Variants in PAFAH1B2 observed in about 807,000 individuals in gnomAD.
PAFAH1B2 encodes the protein platelet activating factor acetylhydrolase 1b catalytic subunit 2.
Under a neutral mutation model 28.0 loss-of-function variants are expected in PAFAH1B2, and 8 were observed. The ratio of observed to expected loss-of-function variants is 0.29; its 90% CI spans 0.17 to 0.52. The LOEUF (loss-of-function observed/expected upper bound fraction) is 0.52, where lower values mean the gene tolerates loss of function less well. PAFAH1B2 is among the 20% of genes least tolerant of loss of function. The pLI is 0.97. For missense variants in PAFAH1B2, 190 were observed against 282.6 expected, an observed-to-expected ratio of 0.67 and a Z score of 2.35; for synonymous variants, 104 against 103.2, an observed-to-expected ratio of 1.01 and a Z score of -0.05.
intron 5 of PAFAH1B2, among the ~76,000 whole-genome samples, chr11:117,164,535 A>G (rs950966479): frequency 4.6e-5 from 7 of 152,192 alleles, no homozygotes; most frequent in Non-Finnish European, 2.9e-5. Flanking sequence ...TATTTGGATT[A>G]CTTTGTAAGT....
At chr11:117,162,235 A>C (rs1956390660) in intron 4 of PAFAH1B2, among the ~76,000 whole-genome samples, 1 of 152,028 alleles carries the variant, frequency 6.6e-6, no homozygotes, top group Non-Finnish European at 1.5e-5. Context: ...TTGGACTCGG[A>C]TGATCCTATG....
intron 1 of PAFAH1B2, among the ~76,000 whole-genome samples, chr11:117,150,454 A>C (rs1956124120): frequency 6.7e-6 from 1 of 149,908 alleles, no homozygotes; most frequent in Non-Finnish European, 1.5e-5. Flanking sequence ...CCAGCCGATG[A>C]TGTTGTTTTT....
intron 1 of PAFAH1B2, among the ~76,000 whole-genome samples, chr11:117,144,798 C>A (rs542501602): frequency 6.6e-6 from 1 of 151,966 alleles, no homozygotes; most frequent in Non-Finnish European, 1.5e-5. Context: ...GCCTTGCGCA[C>A]CCCAGCTCGC....
chr11:117,171,284 T>G (rs1956644233), downstream of PAFAH1B2, among the ~76,000 whole-genome samples: 1 of 152,206 alleles, frequency 6.6e-6, no homozygotes, highest in Non-Finnish European at 1.5e-5. Context: ...TGAAGTCTAC[T>G]CTTTTCCATT....
Position 117,168,446 on chromosome 11 carries a change from G to GTTTGTGTTTTT in PAFAH1B2, c.*750_*751insGTGTTTTTTTT. ...TCCCCTTCATTCCCCCCGCCACCCC[G>GTTTGTGTTTTT]TTTTTTTTTTTTTTTTTTTTTTTTT... On this transcript the variant is annotated 3_prime_UTR_variant, in exon 6 of 6. Coordinates refer to ENST00000527958, the MANE Select transcript of PAFAH1B2 (RefSeq NM_002572.4). 3 of 234,820 alleles carry GTTTGTGTTTTT rather than the reference G, an allele frequency of 1.3e-5. No individual in the cohort carries two copies. Among genetic ancestry groups the GTTTGTGTTTTT allele is most frequent in the Non-Finnish European group, 1.5e-5 (3 of 200,708 alleles). 14.5% of individuals were successfully genotyped at this position (234,820 alleles called of 1,614,324 possible).
chr11:117,166,842 T>C (rs1043017992), intron 5 of PAFAH1B2, among the ~76,000 whole-genome samples: 1 of 152,146 alleles, frequency 6.6e-6, no homozygotes, highest in Non-Finnish European at 1.5e-5. Context: ...TAGACAACGT[T>C]GGAGGTGGGA....
intron 1 of PAFAH1B2, among the ~76,000 whole-genome samples, chr11:117,146,430 C>T (rs187583122): frequency 6.6e-6 from 1 of 152,028 alleles, no homozygotes; most frequent in Admixed American, 6.6e-5. Context: ...GCTCTTAGTT[C>T]GTTCTTATTT....
chr11:117,170,943 C>G lies in PAFAH1B2; in HGVS notation c.*3244C>G. ...CACTGCTGCTAGCTGACTGGACCTC[C>G]CCATTGGAAGTTTGTGATTTTGCTT... On this transcript the variant is annotated 3_prime_UTR_variant, in exon 6 of 6. Coordinates refer to ENST00000527958, the MANE Select transcript of PAFAH1B2 (RefSeq NM_002572.4). The G allele has an allele frequency of 1.9e-6, 2 of 1,056,160 alleles. No individual in the cohort carries two copies. Among genetic ancestry groups the G allele is most frequent in the Non-Finnish European group, 2.3e-6 (2 of 873,548 alleles). 65.4% of individuals were successfully genotyped at this position (1,056,160 alleles called of 1,614,324 possible).
intron 1 of PAFAH1B2, among the ~76,000 whole-genome samples, chr11:117,146,379 A>G (rs1036592879): frequency 1.3e-5 from 2 of 152,000 alleles, no homozygotes; most frequent in Non-Finnish European, 2.9e-5. Context: ...AGGCGCAGGA[A>G]ACCCAAAGTC....
At chr11:117,154,014 C>CT (rs1956211523) in intron 2 of PAFAH1B2, among the ~76,000 whole-genome samples, 1 of 150,254 alleles carries the variant, frequency 6.7e-6, no homozygotes, top group Non-Finnish European at 1.5e-5. Context: ...GTTGGGAAGT[C>CT]AAGGCGGGAG....
chr11:117,155,059 G>A (rs1287553197), intron 2 of PAFAH1B2, among the ~76,000 whole-genome samples: 1 of 152,050 alleles, frequency 6.6e-6, no homozygotes, highest in African/African-American at 2.4e-5. Flanking sequence ...ATCTTGGCTC[G>A]CTGCAACTTC....
Position 117,163,812 on chromosome 11 carries a change from G to A in PAFAH1B2, c.331G>A (p.Ala111Thr). 6.2e-7 allele frequency: 1 copy of A among 1,613,928 alleles called. No individual in the cohort carries two copies. The highest frequency in any genetic ancestry group is 8.5e-7 in the Non-Finnish European group (1 of 1,179,870). The change falls in exon 5 of 6, where the codon GCA becomes ACA. Residue 111 changes from alanine to threonine, a missense_variant. Ala to Thr is a moderately conservative substitution (Grantham distance 58, BLOSUM62 0). Coordinates refer to ENST00000527958, the MANE Select transcript of PAFAH1B2 (RefSeq NM_002572.4). ...WVGTNNHENT[A>T]EEVAGGIEAI... ...AGGAACAAATAACCACGAAAATACAGCAGAAGAAGTAGCAGGTGGGATCGA... is the reference window on the plus strand; with the variant it reads ...AGGAACAAATAACCACGAAAATACAACAGAAGAAGTAGCAGGTGGGATCGA...
At chr11:117,175,444 TTGC>T (rs10535646), downstream of PAFAH1B2, 619,065 of 1,071,148 alleles carry the variant, frequency 0.58, 187,051 homozygotes, top group Non-Finnish European at 0.62. Context: ...AAATGTGCAG[TTGC>T]TGCCCTCCCA....
intron 1 of PAFAH1B2, among the ~76,000 whole-genome samples, chr11:117,148,127 C>T (rs902502694): frequency 1.1e-4 from 16 of 150,204 alleles, no homozygotes; most frequent in Admixed American, 8.0e-4. Flanking sequence ...TCTCTGCTCA[C>T]TGCAACCTCC....
chr11:117,165,546 C>T (rs907721193), intron 5 of PAFAH1B2, among the ~76,000 whole-genome samples: 4 of 152,134 alleles, frequency 2.6e-5, no homozygotes, highest in Non-Finnish European at 5.9e-5. Context: ...GACATAGTTT[C>T]GGTCTCAAGG....
downstream of PAFAH1B2, chr11:117,175,149 C>T (rs982325787): frequency 2.5e-6 from 3 of 1,185,534 alleles, no homozygotes; most frequent in African/African-American, 1.6e-5. Flanking sequence ...CCCACCCTGA[C>T]CGCTTGAGGG....
At position 117,170,431 on chromosome 11, in the gene PAFAH1B2, C is replaced by T. The variant is rs1488631126; in HGVS notation, c.*2732C>T. 20 of 1,059,356 alleles carry T rather than the reference C, an allele frequency of 1.9e-5. No homozygotes were observed. Among genetic ancestry groups the T allele is most frequent in the Non-Finnish European group, 2.1e-5 (18 of 876,366 alleles). 65.6% of individuals were successfully genotyped at this position (1,059,356 alleles called of 1,614,324 possible). A position where few individuals can be genotyped will look rare whatever the true frequency, so the allele number is the denominator to read the frequency against. On this transcript the variant is annotated 3_prime_UTR_variant, in exon 6 of 6. Transcript: ENST00000527958. ...AATGTGGCAGCTTGAAGATGTACTGCCACGGGTGATCTAGGGCAGGCTGTC... is the reference window on the plus strand; with the variant it reads ...AATGTGGCAGCTTGAAGATGTACTGTCACGGGTGATCTAGGGCAGGCTGTC...
intron 5 of PAFAH1B2, among the ~76,000 whole-genome samples, chr11:117,164,656 G>C (rs1476160226): frequency 6.6e-6 from 1 of 152,140 alleles, no homozygotes; most frequent in Non-Finnish European, 1.5e-5. Flanking sequence ...GTTGTACCCT[G>C]AACAGAAAGG....
downstream of PAFAH1B2, among the ~76,000 whole-genome samples, chr11:117,173,451 C>G (rs970276400): frequency 6.6e-6 from 1 of 152,174 alleles, no homozygotes; most frequent in Admixed American, 6.5e-5. Flanking sequence ...TCAGAAAGCT[C>G]AAGTGGTTTG....
Sources: gnomAD v4.1 joint callset for allele counts (sites outside exome capture counted in the v4.1 genomes callset) on GRCh38, gnomAD v4.1.1 for gene constraint, MANE v1.5 for transcripts, NCBI Gene and HGNC (gene_info 2026-07-23, HGNC 2026-07-21) for gene names.